The following DYSF variants were observed in gnomAD, a reference collection of about 807,000 sequenced individuals.
DYSF encodes the protein dystrophy-associated fer-1-like 1.
In DYSF, 212 loss-of-function variants were observed where a neutral mutation model predicts 274.9. That is an observed-to-expected ratio of 0.77 (90% CI 0.69 to 0.86). The LOEUF (loss-of-function observed/expected upper bound fraction) is 0.86, where lower values mean the gene tolerates loss of function less well. Among genes scored for constraint, DYSF ranks in the 40% least tolerant of loss-of-function variants. The probability of loss-of-function intolerance (pLI) is 0.00; values close to 1 mark genes in which losing one functional copy is unlikely to be tolerated. For missense variants in DYSF, 2,666 were observed against 2,783.2 expected (o/e 0.96, Z 0.95); for synonymous variants, 1,091 against 1,078.7 (o/e 1.01, Z -0.22).
chr2:71,559,981 C>T (rs1423126934), intron 22 of DYSF, among the ~76,000 whole-genome samples: 1 of 152,216 alleles, frequency 6.6e-6, no homozygotes, highest in African/African-American at 2.4e-5. Context: ...AGGCAGGGAC[C>T]TTGGGAGCAG....
intron 41 of DYSF, 27 bp downstream of exon 41, chr2:71,620,636 C>G (rs1558647494): frequency 3.9e-6 from 6 of 1,546,426 alleles, no homozygotes; most frequent in Non-Finnish European, 5.2e-6. Context: ...TATTTGTGGG[C>G]TCCTTGTATT....
intron 41 of DYSF, among the ~76,000 whole-genome samples, chr2:71,643,593 C>G (rs1353372969): frequency 6.6e-6 from 1 of 152,166 alleles, no homozygotes; most frequent in Admixed American, 6.5e-5. Flanking sequence ...AAGAGCTACC[C>G]TATGTACCCT....
chr2:71,461,507 C>T (rs985585816), intron 1 of DYSF, among the ~76,000 whole-genome samples: 3 of 152,234 alleles, frequency 2.0e-5, no homozygotes, highest in African/African-American at 7.2e-5. Context: ...TGGCCTTGCC[C>T]TTTGGCCCGA....
At chr2:71,513,418 G>T in intron 6 of DYSF, 86 bp downstream of exon 6, 1 of 1,430,390 alleles carries the variant, frequency 7.0e-7, no homozygotes, top group Non-Finnish European at 9.5e-7. Flanking sequence ...CTGGAGCGGG[G>T]CCAGGTGGCA....
rs2095262657 is a variant in DYSF at position 71,679,068 on chromosome 2, C to A, written c.5896C>A (p.Leu1966Ile). ...CCTCTCTGTTGCAGGCTCCCTGCAG[C>A]TCGATCTCAACCGCATGCCCAAGCC... ...SFDDFLGSLQ[L>I]DLNRMPKPAK... The change falls in exon 53 of 56, where the codon CTC (leucine) becomes ATC (isoleucine). Residue 1966 changes from leucine (L) to isoleucine (I), a missense_variant. Transcript: ENST00000410020. 2 of 1,613,868 alleles carry A rather than the reference C, an allele frequency of 1.2e-6. No homozygotes were observed. The highest frequency in any genetic ancestry group is 2.2e-5 in the East Asian group (1 of 44,886).
intron 55 of DYSF, among the ~76,000 whole-genome samples, chr2:71,685,253 C>T (rs1057392926): frequency 1.3e-5 from 2 of 152,232 alleles, no homozygotes; most frequent in Admixed American, 1.3e-4. Context: ...CAGCAGCGGG[C>T]CACTCTCCTT....
chr2:71,662,080 C>T (rs1337874248), intron 45 of DYSF, among the ~76,000 whole-genome samples: 1 of 152,194 alleles, frequency 6.6e-6, no homozygotes, highest in Non-Finnish European at 1.5e-5. Flanking sequence ...ACACCCCTCC[C>T]ATGCCTGTTT....
At chr2:71,457,634 T>A (rs1351801363) in intron 1 of DYSF, among the ~76,000 whole-genome samples, 4 of 152,168 alleles carry the variant, frequency 2.6e-5, no homozygotes, top group African/African-American at 9.7e-5. Context: ...TATGTTCTGG[T>A]CTTGCAGATG....
chr2:71,507,487 C>T (rs2085608409), intron 4 of DYSF, among the ~76,000 whole-genome samples: 1 of 152,230 alleles, frequency 6.6e-6, no homozygotes, highest in Admixed American at 6.5e-5. Context: ...TATTTATTGT[C>T]TGTCTTCTCT....
intron 32 of DYSF, among the ~76,000 whole-genome samples, chr2:71,591,495 T>C (rs1175870133): frequency 6.6e-6 from 1 of 152,264 alleles, no homozygotes; most frequent in Non-Finnish European, 1.5e-5. Flanking sequence ...CCCAGGCGTT[T>C]TGCTGACACT....
At chr2:71,574,762 C>A (rs1187009714) in intron 30 of DYSF, among the ~76,000 whole-genome samples, 2 of 152,116 alleles carry the variant, frequency 1.3e-5, no homozygotes, top group Non-Finnish European at 2.9e-5. Flanking sequence ...GCATGTGCAT[C>A]CTCTTGAGGC....
intron 22 of DYSF, among the ~76,000 whole-genome samples, chr2:71,558,629 T>C (rs1458597317): frequency 1.3e-5 from 2 of 152,072 alleles, no homozygotes; most frequent in African/African-American, 2.4e-5. Flanking sequence ...CCTGAGTCCT[T>C]GGCTGCCCTC....
rs538170367 is a variant in DYSF at position 71,553,833 on chromosome 2, G to A, written c.2011G>A (p.Gly671Ser). ...GTGCCACTACTACTACCTACCCTGG[G>A]GTAACGTGAAACCTGTGGTGGTGCT... ...DGCHYYYLPWGNVKPVVVLSS... is the reference protein window; with the variant it reads ...DGCHYYYLPWSNVKPVVVLSS... The change falls in exon 21 of 56, where the codon GGT (glycine) becomes AGT (serine). Residue 671 changes from glycine to serine, a missense_variant. By Grantham distance (56) the Gly-to-Ser change is moderately conservative. Coordinates refer to ENST00000410020, the MANE Select transcript of DYSF (RefSeq NM_001130987.2). The A allele has an allele frequency of 4.1e-5, 66 of 1,613,752 alleles. 1 individual carries two copies. In the South Asian group the frequency reaches 6.7e-4, roughly 16 times the overall value.
chr2:71,645,769 T>C (rs1215572861), intron 42 of DYSF, among the ~76,000 whole-genome samples: 3 of 152,094 alleles, frequency 2.0e-5, no homozygotes, highest in African/African-American at 7.2e-5. Context: ...AAATTGTGTA[T>C]TTTCACTTAC....
intron 47 of DYSF, among the ~76,000 whole-genome samples, chr2:71,666,520 T>C (rs2095013445): frequency 6.6e-6 from 1 of 152,270 alleles, no homozygotes; most frequent in African/African-American, 2.4e-5. Context: ...CAGATGTGTG[T>C]GTCCACCATC....
rs1005506563 is a variant in DYSF at position 71,637,133 on chromosome 2, C to T, written c.4528-6832C>T. On this transcript the variant is annotated intron_variant, in intron 41 of 55. Transcript: ENST00000410020. ...TAATGAGGTGGAAGCCCAAAGGGAA[C>T]GTGTGGGCAGAGAGAGAGACGTATT... Among the ~76,000 whole-genome samples the T allele has an allele frequency of 1.2e-3, 190 of 152,146 alleles. 1 individual carries two copies. The highest frequency in any genetic ancestry group is 1.4e-3 in the Non-Finnish European group (92 of 68,020).
chr2:71,569,794 A>T (rs1316438964), intron 26 of DYSF, 26 bp from the exon 27 acceptor site: 5 of 1,599,796 alleles, frequency 3.1e-6, no homozygotes, highest in Non-Finnish European at 4.3e-6. Context: ...AGAGCAGCAG[A>T]GACTCTGACC....
intron 41 of DYSF, among the ~76,000 whole-genome samples, chr2:71,642,464 C>A (rs1180492582): frequency 2.6e-5 from 4 of 152,316 alleles, no homozygotes; most frequent in South Asian, 2.1e-4. Context: ...TTAAATTGAA[C>A]TTTAAACATC....
chr2:71,638,285 A>T (rs2094436422), intron 41 of DYSF, among the ~76,000 whole-genome samples: 2 of 150,958 alleles, frequency 1.3e-5, no homozygotes, highest in African/African-American at 2.4e-5. Flanking sequence ...TAAAGTGTAC[A>T]GTTTAATGGT....
Sources: allele counts gnomAD v4.1 joint callset (sites outside exome capture counted in the v4.1 genomes callset), GRCh38; gene constraint gnomAD v4.1.1; transcripts MANE v1.5; gene names NCBI Gene and HGNC (gene_info 2026-07-23, HGNC 2026-07-21).